Variants in ETNK1 observed in about 807,000 individuals in gnomAD.
ETNK1 encodes the protein ethanolamine kinase 1, also known as putative protein product of Nbla10396.
Under a neutral mutation model 45.1 loss-of-function variants are expected in ETNK1, and 8 were observed. The ratio of observed to expected loss-of-function variants is 0.18; its 90% CI spans 0.10 to 0.32. The LOEUF (loss-of-function observed/expected upper bound fraction) is 0.32. Ranked by LOEUF, ETNK1 falls within the 10% of genes least tolerant of loss-of-function variation. The pLI is 1.00. For missense variants in ETNK1, 302 were observed against 430.6 expected (o/e 0.70, Z 2.64); for synonymous variants, 152 against 151.9 (o/e 1.00, Z -0.01).
At chr12:22,644,699 C>T (rs1453239886) in intron 2 of ETNK1, 1 of 152,432 alleles carries the variant, frequency 6.6e-6, no homozygotes, top group African/African-American at 2.4e-5. Context: ...GATATTAAAA[C>T]AAATTTTTTA....
Position 22,690,642 on chromosome 12 carries a change from C to CTT in ETNK1, c.*5688_*5689insTT, listed in dbSNP as rs1954296549. On this transcript the variant is annotated 3_prime_UTR_variant, in exon 8 of 8. Transcript: ENST00000266517. ...TTCTGTAAATAAAAATTCGTTGTAACAATAAAGTTGAGTTCTAACTACAGT... is the reference window on the plus strand; with the variant it reads ...TTCTGTAAATAAAAATTCGTTGTAACTTAATAAAGTTGAGTTCTAACTACAGT... 2.0e-5 allele frequency: 3 copies of CTT among 152,506 alleles called. No homozygotes were observed. Among genetic ancestry groups the CTT allele is most frequent in the Admixed American group, 1.3e-4 (2 of 15,276 alleles). 9.4% of individuals were successfully genotyped at this position (152,506 alleles called of 1,614,324 possible).
At chr12:22,635,438 A>C (rs1378070066) in intron 1 of ETNK1, among the ~76,000 whole-genome samples, 1 of 152,208 alleles carries the variant, frequency 6.6e-6, no homozygotes, top group African/African-American at 2.4e-5. Flanking sequence ...CTCTCTGTGT[A>C]AGTAAAGCGT....
chr12:22,631,651 A>G (rs549286182), intron 1 of ETNK1, among the ~76,000 whole-genome samples: 2 of 152,342 alleles, frequency 1.3e-5, no homozygotes, highest in South Asian at 4.1e-4. Flanking sequence ...AGATTAGGAC[A>G]GATGAGATGG....
At chr12:22,659,200 T>C in intron 3 of ETNK1, 46 bp downstream of exon 3, 1 of 1,553,622 alleles carries the variant, frequency 6.4e-7, no homozygotes. Flanking sequence ...ATTGCTTTGC[T>C]CTATGATAGG....
intron 6 of ETNK1, among the ~76,000 whole-genome samples, chr12:22,674,131 T>G (rs1248491731): frequency 6.6e-6 from 1 of 152,220 alleles, no homozygotes; most frequent in Non-Finnish European, 1.5e-5. Context: ...GACCTTCATT[T>G]GATAAGCAGT....
chr12:22,678,256 A>G (rs987966977), intron 6 of ETNK1, among the ~76,000 whole-genome samples: 43 of 152,182 alleles, frequency 2.8e-4, no homozygotes, highest in African/African-American at 9.9e-4. Flanking sequence ...TTTATCCTTC[A>G]TGCGTTTCTC....
intron 1 of ETNK1, among the ~76,000 whole-genome samples, chr12:22,635,394 A>G (rs964156258): frequency 3.3e-5 from 5 of 152,180 alleles, no homozygotes; most frequent in Admixed American, 6.5e-5. Context: ...TGGGATACCA[A>G]CACCTATTAC....
Position 22,666,169 on chromosome 12 carries a change from A to G in ETNK1, c.700+4964A>G, listed in dbSNP as rs568797891. Among the ~76,000 whole-genome samples, 208 of 152,210 alleles carry G rather than the reference A, an allele frequency of 1.4e-3. 3 individuals carry two copies. Among genetic ancestry groups the G allele is most frequent in the Non-Finnish European group, 1.5e-3 (99 of 68,006 alleles). On this transcript the variant is annotated intron_variant, in intron 4 of 7. Transcript: ENST00000266517. ...AGAGTGAGCTTCCTTTCTGAAGTTG[A>G]TGGTAGCTGTCAAGATTTTTGAAAA...
chr12:22,684,852 A>T, intron 7 of ETNK1, 30 bp from the exon 8 acceptor site: 1 of 1,561,636 alleles, frequency 6.4e-7, no homozygotes. Flanking sequence ...AGCTTTGACT[A>T]ATTTTTTTGT....
At chr12:22,683,923 C>T (rs1954236436) in intron 6 of ETNK1, among the ~76,000 whole-genome samples, 1 of 152,072 alleles carries the variant, frequency 6.6e-6, no homozygotes, top group African/African-American at 2.4e-5. Context: ...TAATTACATG[C>T]TAATTTCCCT....
chr12:22,651,618 C>T (rs1002481790), intron 2 of ETNK1, among the ~76,000 whole-genome samples: 2 of 151,356 alleles, frequency 1.3e-5, no homozygotes, highest in African/African-American at 4.9e-5. Context: ...ATTGCATTCA[C>T]ATGGTTGTGC....
At chr12:22,677,362 G>A (rs962316346) in intron 6 of ETNK1, among the ~76,000 whole-genome samples, 1 of 152,136 alleles carries the variant, frequency 6.6e-6, no homozygotes, top group Admixed American at 6.5e-5. Context: ...CTGTTCCATT[G>A]ATCTATATAT....
Position 22,686,429 on chromosome 12 carries a change from T to C in ETNK1, c.*1475T>C, listed in dbSNP as rs1954261116. 1 of 152,380 alleles carries C rather than the reference T, an allele frequency of 6.6e-6. No individual in the cohort carries two copies. The highest frequency in any genetic ancestry group is 2.4e-5 in the African/African-American group (1 of 41,444). The allele number at this position is 152,380 out of a possible 1,614,324, so 9.4% of individuals were successfully genotyped here. A position where few individuals can be genotyped will look rare whatever the true frequency, so the allele number is the denominator to read the frequency against. On this transcript the variant is annotated 3_prime_UTR_variant, in exon 8 of 8. Coordinates refer to ENST00000266517, the MANE Select transcript of ETNK1 (RefSeq NM_018638.5). ...AAAATATGCAACTACAAATTTATCC[T>C]CTGAGAAATCTTCTGAGGAGTCTAA...
At chr12:22,663,048 C>T (rs940470171) in intron 4 of ETNK1, among the ~76,000 whole-genome samples, 7 of 152,150 alleles carry the variant, frequency 4.6e-5, no homozygotes, top group African/African-American at 1.7e-4. Context: ...TGTTTTGAAT[C>T]ATCTTGAAAT....
chr12:22,654,870 G>A (rs1411095698), intron 2 of ETNK1, among the ~76,000 whole-genome samples: 1 of 152,142 alleles, frequency 6.6e-6, no homozygotes, highest in African/African-American at 2.4e-5. Context: ...AGGAATAATT[G>A]TATTTGATAC....
At chr12:22,625,611 G>T in intron 1 of ETNK1, 25 bp downstream of exon 1, 1 of 1,550,662 alleles carries the variant, frequency 6.4e-7, no homozygotes. Flanking sequence ...TCAGCTCTGG[G>T]TCTCTTATGC....
At chr12:22,660,438 C>A (rs961389613) in intron 3 of ETNK1, among the ~76,000 whole-genome samples, 1 of 152,162 alleles carries the variant, frequency 6.6e-6, no homozygotes, top group African/African-American at 2.4e-5. Context: ...GACAAAAAGT[C>A]GCGATTTCTA....
At chr12:22,627,131 C>T (rs1438382259) in intron 1 of ETNK1, among the ~76,000 whole-genome samples, 1 of 150,314 alleles carries the variant, frequency 6.7e-6, no homozygotes, top group African/African-American at 2.5e-5. Context: ...ATAATAGCTA[C>T]TGTGGGGTTA....
At position 22,685,119 on chromosome 12, in the gene ETNK1, T is replaced by C. The variant is rs931416035; in HGVS notation, c.*165T>C. 3 of 541,108 alleles carry C rather than the reference T, an allele frequency of 5.5e-6. No individual in the cohort carries two copies. The highest frequency in any genetic ancestry group is 3.0e-5 in the East Asian group (1 of 33,138). 33.5% of individuals were successfully genotyped at this position (541,108 alleles called of 1,614,324 possible). A position where few individuals can be genotyped will look rare whatever the true frequency, so the allele number is the denominator to read the frequency against. ...AAATCTATTTTTGAAATAGACTGAATGATGTCAAGAAATATACCTACTGCT... is the reference window on the plus strand; with the variant it reads ...AAATCTATTTTTGAAATAGACTGAACGATGTCAAGAAATATACCTACTGCT... On this transcript the variant is annotated 3_prime_UTR_variant, in exon 8 of 8. Coordinates refer to ENST00000266517, the MANE Select transcript of ETNK1 (RefSeq NM_018638.5).
Sources: allele counts gnomAD v4.1 joint callset (sites outside exome capture counted in the v4.1 genomes callset), GRCh38; gene constraint gnomAD v4.1.1; transcripts MANE v1.5; gene names NCBI Gene and HGNC (gene_info 2026-07-23, HGNC 2026-07-21).